PPP1R1C: variants seen among roughly 807,000 people sequenced by gnomAD.
PPP1R1C encodes the protein protein phosphatase 1 regulatory subunit 1C.
A neutral mutation model predicts 17.4 loss-of-function variants in PPP1R1C; 15 were observed. The observed-to-expected ratio is 0.86, with a 90% confidence interval of 0.58 to 1.33. PPP1R1C has a LOEUF of 1.33. Among genes scored for constraint, PPP1R1C ranks in the 40% most tolerant of loss-of-function variants. The pLI is 0.00. For missense variants in PPP1R1C, 143 were observed against 130.0 expected (o/e 1.10, Z -0.48); for synonymous variants, 35 against 43.1 (o/e 0.81, Z 0.73).
At chr2:182,037,880 G>A (rs1015939198) in intron 2 of PPP1R1C, among the ~76,000 whole-genome samples, 11 of 151,988 alleles carry the variant, frequency 7.2e-5, no homozygotes, top group Non-Finnish European at 1.2e-4. Context: ...ACTTTTATTA[G>A]ATTATTCTAT....
intron 4 of PPP1R1C, among the ~76,000 whole-genome samples, chr2:182,111,266 ATGT>A (rs1238408735): frequency 1.3e-5 from 2 of 152,310 alleles, no homozygotes; most frequent in East Asian, 3.8e-4. Context: ...GCACATAAAC[ATGT>A]TGTCCCTATT....
At chr2:182,122,567 AATG>A (rs1689759200), downstream of PPP1R1C, among the ~76,000 whole-genome samples, 1 of 152,102 alleles carries the variant, frequency 6.6e-6, no homozygotes, top group South Asian at 2.1e-4. Flanking sequence ...TTTTTGAGGA[AATG>A]ATAATTTTAT....
chr2:181,980,229 A>T (rs536367049), intron 2 of PPP1R1C, among the ~76,000 whole-genome samples: 4 of 152,348 alleles, frequency 2.6e-5, no homozygotes, highest in Non-Finnish European at 4.4e-5. Flanking sequence ...TATACTCAGC[A>T]ATTACAAGTC....
chr2:182,075,915 G>A (rs1306276798), intron 4 of PPP1R1C, among the ~76,000 whole-genome samples: 1 of 151,896 alleles, frequency 6.6e-6, no homozygotes, highest in East Asian at 1.9e-4. Flanking sequence ...AATTGTCACT[G>A]GATGATAATG....
intron 2 of PPP1R1C, among the ~76,000 whole-genome samples, chr2:182,036,311 T>A (rs902599908): frequency 1.3e-5 from 2 of 152,194 alleles, no homozygotes; most frequent in African/African-American, 4.8e-5. Flanking sequence ...AGGCTGATAA[T>A]AACCACTCAA....
chr2:182,037,218 T>C (rs1436185187), intron 2 of PPP1R1C, among the ~76,000 whole-genome samples: 2 of 152,178 alleles, frequency 1.3e-5, no homozygotes, highest in Non-Finnish European at 2.9e-5. Context: ...TCTTTCACAG[T>C]TTTCTACAAG....
At chr2:181,966,277 C>A (rs1232229450) in intron 1 of PPP1R1C, among the ~76,000 whole-genome samples, 1 of 152,160 alleles carries the variant, frequency 6.6e-6, no homozygotes, top group Non-Finnish European at 1.5e-5. Context: ...TTCTTCCTTT[C>A]CAATTTGGAG....
At chr2:182,069,307 A>G (rs1688075987) in intron 4 of PPP1R1C, among the ~76,000 whole-genome samples, 1 of 150,476 alleles carries the variant, frequency 6.6e-6, no homozygotes, top group African/African-American at 2.4e-5. Context: ...GTATGCTCCT[A>G]TTTCCAGACC....
At chr2:182,054,391 T>C (rs1452811782) in intron 2 of PPP1R1C, among the ~76,000 whole-genome samples, 1 of 152,196 alleles carries the variant, frequency 6.6e-6, no homozygotes, top group Non-Finnish European at 1.5e-5. Context: ...AATAGAATTA[T>C]TCCATCACCA....
intron 2 of PPP1R1C, among the ~76,000 whole-genome samples, chr2:182,031,217 T>G (rs1297684654): frequency 6.6e-6 from 1 of 152,256 alleles, no homozygotes; most frequent in Non-Finnish European, 1.5e-5. Flanking sequence ...CTGTTCCTAT[T>G]CGGCCATCTT....
chr2:182,072,768 T>C (rs902530688), intron 4 of PPP1R1C, among the ~76,000 whole-genome samples: 3 of 152,248 alleles, frequency 2.0e-5, no homozygotes, highest in African/African-American at 7.2e-5. Context: ...TCTTTGTTTT[T>C]AATAATTTTA....
chr2:182,082,147 T>G (rs1688499098), intron 4 of PPP1R1C, among the ~76,000 whole-genome samples: 1 of 152,178 alleles, frequency 6.6e-6, no homozygotes, highest in Non-Finnish European at 1.5e-5. Context: ...AAGACATTTT[T>G]TACACTTAAT....
chr2:181,966,181 T>C (rs1684900631), intron 1 of PPP1R1C, among the ~76,000 whole-genome samples: 1 of 152,210 alleles, frequency 6.6e-6, no homozygotes, highest in African/African-American at 2.4e-5. Context: ...TCTGAATTTG[T>C]TTATGAGTTC....
intron 2 of PPP1R1C, among the ~76,000 whole-genome samples, chr2:182,049,332 CAA>C (rs3064024): frequency 2.2e-4 from 17 of 77,936 alleles, no homozygotes; most frequent in African/African-American, 2.1e-4. Flanking sequence ...GATTCCATCT[CAA>C]AAAAAAAAAA....
intron 4 of PPP1R1C, among the ~76,000 whole-genome samples, chr2:182,079,295 C>T (rs1173789373): frequency 1.3e-5 from 2 of 152,122 alleles, no homozygotes; most frequent in East Asian, 3.9e-4. Context: ...AGACAGTAAA[C>T]AATGGTTTTA....
intron 2 of PPP1R1C, among the ~76,000 whole-genome samples, chr2:182,059,433 G>A (rs1687784006): frequency 6.6e-6 from 1 of 151,792 alleles, no homozygotes; most frequent in South Asian, 2.1e-4. Context: ...GCTTCATGTG[G>A]GATCCAGTTT....
At chr2:181,972,956 A>G (rs1685037087) in intron 1 of PPP1R1C, among the ~76,000 whole-genome samples, 1 of 152,166 alleles carries the variant, frequency 6.6e-6, no homozygotes, top group Non-Finnish European at 1.5e-5. Flanking sequence ...TTCCAAACTC[A>G]TTATGCATAT....
At chr2:182,087,882 G>A (rs762934215) in intron 4 of PPP1R1C, among the ~76,000 whole-genome samples, 10 of 152,170 alleles carry the variant, frequency 6.6e-5, no homozygotes, top group African/African-American at 2.4e-4. Context: ...CTACACAAAG[G>A]TAATGCATAA....
chr2:182,037,013 T>C (rs1442121940), intron 2 of PPP1R1C, among the ~76,000 whole-genome samples: 1 of 152,194 alleles, frequency 6.6e-6, no homozygotes, highest in Non-Finnish European at 1.5e-5. Context: ...TTTGTAGCAA[T>C]TGTATTAGAG....
Sources: allele counts gnomAD v4.1 joint callset (sites outside exome capture counted in the v4.1 genomes callset), GRCh38; gene constraint gnomAD v4.1.1; transcripts MANE v1.5; gene names NCBI Gene and HGNC (gene_info 2026-07-23, HGNC 2026-07-21).